The following SH3GL2 variants were observed in gnomAD, a reference collection of about 807,000 sequenced individuals.
SH3GL2 encodes the protein SH3 domain containing GRB2 like 2, endophilin A1, also known as endophilin-A1.
Under a neutral mutation model 46.0 loss-of-function variants are expected in SH3GL2, and 24 were observed. The observed-to-expected ratio is 0.52, with a 90% confidence interval of 0.38 to 0.73. SH3GL2 has a LOEUF of 0.73. SH3GL2 is among the 30% of genes least tolerant of loss of function. The pLI is 0.00. For synonymous variants in SH3GL2, 196 were observed against 147.1 expected, an observed-to-expected ratio of 1.33 and a Z score of -2.40; for missense variants, 413 against 424.2, an observed-to-expected ratio of 0.97 and a Z score of 0.23.
intron 1 of SH3GL2, among the ~76,000 whole-genome samples, chr9:17,611,297 C>G (rs1026065997): frequency 6.6e-6 from 1 of 151,896 alleles, no homozygotes; most frequent in Non-Finnish European, 1.5e-5. Flanking sequence ...AACGTGGGTA[C>G]GTGATAGACA....
intron 1 of SH3GL2, among the ~76,000 whole-genome samples, chr9:17,649,122 A>T (rs1367631541): frequency 6.6e-6 from 1 of 152,178 alleles, no homozygotes; most frequent in African/African-American, 2.4e-5. Context: ...TTGTTTTGAG[A>T]AAGAGTCTTA....
At chr9:17,753,654 G>C (rs1016741865) in intron 2 of SH3GL2, among the ~76,000 whole-genome samples, 1 of 151,880 alleles carries the variant, frequency 6.6e-6, no homozygotes, top group Non-Finnish European at 1.5e-5. Flanking sequence ...AGTTTCTTTT[G>C]CTGTGCAAAA....
At chr9:17,791,525 T>G (rs1824129576) in intron 7 of SH3GL2, among the ~76,000 whole-genome samples, 191 bp downstream of exon 7, 2 of 152,226 alleles carry the variant, frequency 1.3e-5, no homozygotes, top group Admixed American at 6.5e-5. Flanking sequence ...CTGTTGAATC[T>G]AATTTTCTGC....
At chr9:17,673,342 C>T (rs957772840) in intron 1 of SH3GL2, among the ~76,000 whole-genome samples, 1 of 143,004 alleles carries the variant, frequency 7.0e-6, no homozygotes, top group Non-Finnish European at 1.5e-5. Context: ...TTTATAGAGG[C>T]GGGGTTTCAT....
At chr9:17,639,390 G>GT (rs1460510732) in intron 1 of SH3GL2, among the ~76,000 whole-genome samples, 4 of 152,056 alleles carry the variant, frequency 2.6e-5, no homozygotes, top group African/African-American at 9.7e-5. Context: ...TAGACAAATG[G>GT]TTTGTATAGA....
At chr9:17,720,463 A>G (rs1355438213) in intron 1 of SH3GL2, among the ~76,000 whole-genome samples, 1 of 152,130 alleles carries the variant, frequency 6.6e-6, no homozygotes, top group Non-Finnish European at 1.5e-5. Flanking sequence ...TACAGAAAAC[A>G]GAAATGAGGT....
At chr9:17,721,307 T>G (rs1023452686) in intron 1 of SH3GL2, among the ~76,000 whole-genome samples, 1 of 152,124 alleles carries the variant, frequency 6.6e-6, no homozygotes, top group Non-Finnish European at 1.5e-5. Flanking sequence ...ATGTATTTAT[T>G]GGGAAAAGTA....
chr9:17,657,146 T>G (rs7866654), intron 1 of SH3GL2, among the ~76,000 whole-genome samples: 2,051 of 152,086 alleles, frequency 0.013, 60 homozygotes, highest in African/African-American at 0.046. Context: ...CTGAATTACT[T>G]CTTCAGTTTA....
rs576095950 is a variant in SH3GL2 at position 17,777,370 on chromosome 9, A to G, written c.188-9011A>G. Among the ~76,000 whole-genome samples the G allele has an allele frequency of 3.9e-5, 6 of 152,306 alleles. 1 individual carries two copies. The highest frequency in any genetic ancestry group is 1.4e-4 in the African/African-American group (6 of 41,576). On this transcript the variant is annotated intron_variant, in intron 3 of 8. Coordinates refer to ENST00000380607, the MANE Select transcript of SH3GL2 (RefSeq NM_003026.5). ...TTTGCTCACAAATATAGTAATTCAG[A>G]TAGTTTTAAAAAATTACTTTGATTT...
intron 1 of SH3GL2, among the ~76,000 whole-genome samples, chr9:17,716,846 C>T (rs1297019754): frequency 6.6e-6 from 1 of 152,058 alleles, no homozygotes; most frequent in African/African-American, 2.4e-5. Context: ...TTGTAGGGCT[C>T]ACCTCATTTG....
chr9:17,714,416 G>C (rs7847997), intron 1 of SH3GL2, among the ~76,000 whole-genome samples: 7,414 of 151,528 alleles, frequency 0.049, 502 homozygotes, highest in African/African-American at 0.14. Flanking sequence ...CTTTCTATTT[G>C]TTTAATCTGT....
intron 6 of SH3GL2, 53 bp downstream of exon 6, chr9:17,789,603 A>T (rs750608098): frequency 6.2e-7 from 1 of 1,605,648 alleles, no homozygotes; most frequent in Non-Finnish European, 8.5e-7. Flanking sequence ...GCACAACATT[A>T]ATATGTTAAA....
intron 1 of SH3GL2, among the ~76,000 whole-genome samples, chr9:17,680,023 C>T (rs1321256153): frequency 4.0e-5 from 6 of 151,866 alleles, no homozygotes; most frequent in Non-Finnish European, 7.4e-5. Flanking sequence ...CTGCTGGATT[C>T]GGTTTGCCAG....
chr9:17,721,710 C>T (rs915951778), intron 1 of SH3GL2, among the ~76,000 whole-genome samples: 1 of 152,106 alleles, frequency 6.6e-6, no homozygotes, highest in African/African-American at 2.4e-5. Flanking sequence ...ATCCCTGGTT[C>T]TCAGGCCTTA....
intron 1 of SH3GL2, among the ~76,000 whole-genome samples, chr9:17,625,004 A>G (rs2208494): frequency 0.41 from 62,809 of 152,010 alleles, 13,765 homozygotes; most frequent in Middle Eastern, 0.51. Context: ...TTGTTCTTCT[A>G]TTTAATTTGT....
intron 3 of SH3GL2, among the ~76,000 whole-genome samples, chr9:17,772,508 C>A (rs142732680): frequency 6.6e-6 from 1 of 152,178 alleles, no homozygotes; most frequent in Admixed American, 6.5e-5. Context: ...CCCTTTCCTA[C>A]TTCAGCCGCT....
chr9:17,646,306 AT>A (rs1315407593), intron 1 of SH3GL2, among the ~76,000 whole-genome samples: 1 of 151,912 alleles, frequency 6.6e-6, no homozygotes, highest in Non-Finnish European at 1.5e-5. Context: ...GCTTCCTTGC[AT>A]TGGGTTAGGA....
At chr9:17,774,662 A>G (rs1246844105) in intron 3 of SH3GL2, among the ~76,000 whole-genome samples, 1 of 152,072 alleles carries the variant, frequency 6.6e-6, no homozygotes, top group African/African-American at 2.4e-5. Flanking sequence ...CATGGGGTAT[A>G]ATTTTTAAAA....
At chr9:17,616,528 G>T (rs1381572529) in intron 1 of SH3GL2, among the ~76,000 whole-genome samples, 1 of 152,200 alleles carries the variant, frequency 6.6e-6, no homozygotes, top group African/African-American at 2.4e-5. Flanking sequence ...TGAAGTGGTA[G>T]AGAAAGAAGG....
Sources: gnomAD v4.1 joint callset for allele counts (sites outside exome capture counted in the v4.1 genomes callset) on GRCh38, gnomAD v4.1.1 for gene constraint, MANE v1.5 for transcripts, NCBI Gene and HGNC (gene_info 2026-07-23, HGNC 2026-07-21) for gene names.